C1QTNF1: variants seen among roughly 807,000 people sequenced by gnomAD.
The protein encoded by C1QTNF1 is complement C1q tumor necrosis factor-related protein 1.
A neutral mutation model predicts 27.8 loss-of-function variants in C1QTNF1; 22 were observed. The ratio of observed to expected loss-of-function variants is 0.79; its 90% CI spans 0.56 to 1.13. The LOEUF is 1.13. C1QTNF1 is among the 50% of genes most tolerant of loss of function. The pLI is 0.00. For synonymous variants in C1QTNF1, 166 were observed against 154.3 expected (o/e 1.08, Z -0.56); for missense variants, 373 against 380.2 (o/e 0.98, Z 0.16).
At chr17:79,023,700 GCGCGCA>G (rs1179886970), upstream of C1QTNF1, among the ~76,000 whole-genome samples, 1 of 80,974 alleles carries the variant, frequency 1.2e-5, no homozygotes, top group Non-Finnish European at 2.3e-5. Flanking sequence ...TGATGCGCGC[GCGCGCA>G]CACACACACA....
intron 1 of C1QTNF1, among the ~76,000 whole-genome samples, chr17:79,037,908 G>A (rs2072301842): frequency 6.6e-6 from 1 of 152,030 alleles, no homozygotes; most frequent in Admixed American, 6.6e-5. Context: ...CTAGGCTCAA[G>A]CAATCTACCC....
chr17:79,049,130 C>A lies in C1QTNF1; in HGVS notation c.*1042C>A, dbSNP rs1000356766. 3.3e-5 allele frequency: 5 copies of A among 152,446 alleles called. No individual in the cohort carries two copies. The highest frequency in any genetic ancestry group is 3.3e-4 in the Admixed American group (5 of 15,284). The allele number at this position is 152,446 out of a possible 1,614,324, so 9.4% of individuals were successfully genotyped here. Reference sequence around the variant, plus strand: ...CTTCCACGTGTGTTGTGTTGGTTGGCAGCAAGGCTGATCCAGACCCCTTCT... The same window carrying A: ...CTTCCACGTGTGTTGTGTTGGTTGGAAGCAAGGCTGATCCAGACCCCTTCT... On this transcript the variant is annotated 3_prime_UTR_variant, in exon 4 of 4. Transcript: ENST00000579760. This position sits in a 1 kb window ranked among gnomAD's most constrained non-coding sequence, Gnocchi z 4.4.
At chr17:79,027,772 T>G (rs1356575044) in intron 1 of C1QTNF1, 1 of 152,334 alleles carries the variant, frequency 6.6e-6, no homozygotes, top group Admixed American at 6.5e-5. Context: ...TGGGGTGATA[T>G]GAGTGGCTCT....
chr17:79,044,333 A>G (rs1331001267), intron 2 of C1QTNF1, among the ~76,000 whole-genome samples: 1 of 152,190 alleles, frequency 6.6e-6, no homozygotes, highest in Non-Finnish European at 1.5e-5. Context: ...AACTGCGGAC[A>G]GTGATCCAGC....
At chr17:79,034,853 G>T (rs2072228474) in intron 1 of C1QTNF1, among the ~76,000 whole-genome samples, 1 of 152,170 alleles carries the variant, frequency 6.6e-6, no homozygotes, top group East Asian at 1.9e-4. Flanking sequence ...CAGGACCCCA[G>T]CATCTCTCAG....
At chr17:79,043,663 T>G in intron 1 of C1QTNF1, 1 of 533,572 alleles carries the variant, frequency 1.9e-6, no homozygotes, top group Non-Finnish European at 3.6e-6. Context: ...TGTGTGTGCA[T>G]GTGTGGATTG....
chr17:79,047,244 T>A (rs1013741067), intron 3 of C1QTNF1: 4 of 358,170 alleles, frequency 1.1e-5, no homozygotes, highest in Non-Finnish European at 2.0e-5. Flanking sequence ...TTTTCTTTTT[T>A]TTTTTTTTTA....
chr17:79,046,377 C>T lies in C1QTNF1; in HGVS notation c.156-178C>T, dbSNP rs1156852943. Among the ~76,000 whole-genome samples the T allele has an allele frequency of 2.0e-5, 3 of 152,100 alleles. No individual in the cohort carries two copies. The highest frequency in any genetic ancestry group is 1.9e-4 in the East Asian group (1 of 5,178). On this transcript the variant is annotated intron_variant, in intron 2 of 3. Transcript: ENST00000579760. This position sits in a 1 kb window ranked among gnomAD's most constrained non-coding sequence, Gnocchi z 4.8. ...TTTAACAGAGGGCAGGGGGCTCGTT[C>T]GGTAGTGAGGATCCCAGAGTGGGCC...
rs919328187 is a variant in C1QTNF1 at position 79,046,326 on chromosome 17, C to T, written c.156-229C>T. The stretch of plus-strand genomic sequence containing the variant: ...TTGCGTGGCACTCAATTGATCGCTG[C>T]GTGTGTTTCCAGGACTGTCATTGCC... On this transcript the variant is annotated intron_variant, in intron 2 of 3. Coordinates refer to ENST00000579760, the MANE Select transcript of C1QTNF1 (RefSeq NM_030968.5). This position sits in a 1 kb window ranked among gnomAD's most constrained non-coding sequence, Gnocchi z 4.8. 5.3e-5 allele frequency among the ~76,000 whole-genome samples: 8 copies of T among 152,306 alleles called. No individual in the cohort carries two copies. The highest frequency in any genetic ancestry group is 3.9e-4 in the East Asian group (2 of 5,182).
chr17:79,025,393 G>A (rs941550095), intron 1 of C1QTNF1, among the ~76,000 whole-genome samples: 2 of 152,140 alleles, frequency 1.3e-5, no homozygotes, highest in Non-Finnish European at 2.9e-5. Flanking sequence ...GAGGGAGGGA[G>A]GAAGCCGCCC....
At chr17:79,034,908 A>T (rs925671999) in intron 1 of C1QTNF1, among the ~76,000 whole-genome samples, 1 of 152,164 alleles carries the variant, frequency 6.6e-6, no homozygotes, top group African/African-American at 2.4e-5. Context: ...TCCTTCCATA[A>T]GGGACCCCCA....
At chr17:79,039,955 G>T (rs558038700) in intron 1 of C1QTNF1, among the ~76,000 whole-genome samples, 2 of 152,162 alleles carry the variant, frequency 1.3e-5, no homozygotes, top group East Asian at 1.9e-4. Context: ...GGAAAAAACA[G>T]AATAATTATT....
chr17:79,040,983 T>G (rs2072391872), intron 1 of C1QTNF1, among the ~76,000 whole-genome samples: 1 of 151,922 alleles, frequency 6.6e-6, no homozygotes, highest in Non-Finnish European at 1.5e-5. Flanking sequence ...GAATGTATAT[T>G]GTCTCCCTAG....
chr17:79,036,445 G>A (rs1216977583), intron 1 of C1QTNF1, among the ~76,000 whole-genome samples: 2 of 152,182 alleles, frequency 1.3e-5, no homozygotes, highest in Admixed American at 1.3e-4. Flanking sequence ...AAGGTGCTGA[G>A]ATTACAGACA....
At chr17:79,026,849 A>AC (rs1373368662) in intron 1 of C1QTNF1, among the ~76,000 whole-genome samples, 2 of 151,848 alleles carry the variant, frequency 1.3e-5, no homozygotes, top group African/African-American at 4.8e-5. Context: ...CTAGGAAGTG[A>AC]CCCCCCTTTT....
chr17:79,037,193 G>T (rs1489335326), intron 1 of C1QTNF1, among the ~76,000 whole-genome samples: 1 of 152,190 alleles, frequency 6.6e-6, no homozygotes, highest in Admixed American at 6.5e-5. Flanking sequence ...GCAGTGGCAT[G>T]ATCTCGGCTT....
chr17:79,044,067 A>C lies in C1QTNF1; in HGVS notation c.99A>C (p.Glu33Asp). 1 of 1,613,858 alleles carries C rather than the reference A, an allele frequency of 6.2e-7. No individual in the cohort carries two copies. The highest frequency in any genetic ancestry group is 2.2e-5 in the East Asian group (1 of 44,864). The change falls in exon 2 of 4, where the codon GAA becomes GAC. Residue 33 changes from glutamate (E) to aspartate (D), a missense_variant. Physicochemically the swap from Glu to Asp is conservative, Grantham distance 45. Transcript: ENST00000579760. ...VLSRVPHVQG[E>D]QQEWEGTEEL... ...GTCGTGTGCCCCATGTCCAGGGGGA[A>C]CAGCAGGAGTGGGAGGGGACTGAGG... is the stretch of plus-strand genomic sequence containing the variant.
chr17:79,028,767 C>A (rs2072043972), intron 1 of C1QTNF1, among the ~76,000 whole-genome samples: 1 of 152,146 alleles, frequency 6.6e-6, no homozygotes, highest in African/African-American at 2.4e-5. Flanking sequence ...GCACATGGGT[C>A]TTTTCCTCCC....
chr17:79,039,082 G>T (rs1161574730), intron 1 of C1QTNF1, among the ~76,000 whole-genome samples: 4 of 151,896 alleles, frequency 2.6e-5, no homozygotes, highest in Admixed American at 2.6e-4. Flanking sequence ...GCTGCATCCT[G>T]GACCCCGTCT....
Sources: allele counts gnomAD v4.1 joint callset (sites outside exome capture counted in the v4.1 genomes callset), GRCh38; gene constraint gnomAD v4.1.1; non-coding constraint Gnocchi (gnomAD v3.1); transcripts MANE v1.5; gene names NCBI Gene and HGNC (gene_info 2026-07-23, HGNC 2026-07-21).